The following FAM210A variants were observed in gnomAD, a reference collection of about 807,000 sequenced individuals.
The protein encoded by FAM210A is mitochondrial inner membrane scaffold 1.
A neutral mutation model predicts 25.3 loss-of-function variants in FAM210A; 13 were observed. The observed-to-expected ratio is 0.51, with a 90% CI of 0.33 to 0.82. The LOEUF (loss-of-function observed/expected upper bound fraction) is 0.82, where lower values mean the gene tolerates loss of function less well. Among genes scored for constraint, FAM210A ranks in the 40% least tolerant of loss-of-function variants. FAM210A has a pLI of 0.02. For missense variants in FAM210A, 319 were observed against 323.2 expected, an observed-to-expected ratio of 0.99 and a Z score of 0.10; for synonymous variants, 125 against 118.7, an observed-to-expected ratio of 1.05 and a Z score of -0.35.
chr18:13,726,554 C>G lies in FAM210A; in HGVS notation c.-254G>C, dbSNP rs1430144103. 1.3e-5 allele frequency: 2 copies of G among 152,284 alleles called. No individual in the cohort carries two copies. The highest frequency in any genetic ancestry group is 1.3e-4 in the Admixed American group (2 of 15,294). 9.4% of individuals were successfully genotyped at this position (152,284 alleles called of 1,614,324 possible). On this transcript the variant is annotated 5_prime_UTR_variant, in exon 1 of 4. Transcript: ENST00000651643. Reference sequence around the variant, plus strand: ...GACCTCCAGTGCCCGCTCAGTGAAGCTTCTGCATGCCGCGCGCGGCACGTC... The same window carrying G: ...GACCTCCAGTGCCCGCTCAGTGAAGGTTCTGCATGCCGCGCGCGGCACGTC...
intron 2 of FAM210A, among the ~76,000 whole-genome samples, chr18:13,672,658 G>A (rs762401596): frequency 1.3e-5 from 2 of 152,108 alleles, no homozygotes; most frequent in Non-Finnish European, 1.5e-5. Flanking sequence ...TCTGCCCGCC[G>A]CAGCCTTCCA....
chr18:13,696,966 A>T (rs1473723274), intron 1 of FAM210A, among the ~76,000 whole-genome samples: 1 of 152,164 alleles, frequency 6.6e-6, no homozygotes, highest in Non-Finnish European at 1.5e-5. Context: ...TAGGTGTATC[A>T]TTTTTTATAC....
intron 1 of FAM210A, among the ~76,000 whole-genome samples, chr18:13,715,637 T>G (rs1382398557): frequency 6.6e-6 from 1 of 152,222 alleles, no homozygotes; most frequent in African/African-American, 2.4e-5. Context: ...TTTTCCATAT[T>G]CTGAACTTCA....
chr18:13,666,965 T>C (rs569583109), intron 3 of FAM210A, among the ~76,000 whole-genome samples: 1 of 152,328 alleles, frequency 6.6e-6, no homozygotes, highest in South Asian at 2.1e-4. Flanking sequence ...AGCACTGATG[T>C]CCCTAATCGC....
At chr18:13,703,742 C>T (rs1455362510) in intron 1 of FAM210A, among the ~76,000 whole-genome samples, 1 of 152,078 alleles carries the variant, frequency 6.6e-6, no homozygotes, top group African/African-American at 2.4e-5. Flanking sequence ...AATTAATTGG[C>T]TTAAAGAAAA....
At chr18:13,724,328 G>A (rs1047949865) in intron 1 of FAM210A, among the ~76,000 whole-genome samples, 1 of 152,184 alleles carries the variant, frequency 6.6e-6, no homozygotes, top group Non-Finnish European at 1.5e-5. Context: ...CAGCCAGACT[G>A]CCTGGGTCCA....
At chr18:13,684,844 T>C (rs1028412811) in intron 1 of FAM210A, among the ~76,000 whole-genome samples, 5 of 151,848 alleles carry the variant, frequency 3.3e-5, no homozygotes, top group African/African-American at 9.7e-5. Flanking sequence ...AAAATGAAAA[T>C]CATGCAAAGT....
At chr18:13,692,094 G>C (rs954657795) in intron 1 of FAM210A, among the ~76,000 whole-genome samples, 3 of 150,900 alleles carry the variant, frequency 2.0e-5, no homozygotes, top group African/African-American at 7.3e-5. Context: ...AAAAAGGCAG[G>C]GGTTGCAATC....
intron 1 of FAM210A, among the ~76,000 whole-genome samples, chr18:13,717,833 G>C (rs144275307): frequency 7.9e-5 from 12 of 152,262 alleles, no homozygotes; most frequent in African/African-American, 2.9e-4. Flanking sequence ...AGAAAAGATG[G>C]AAAGGACTTC....
At chr18:13,688,713 G>A (rs550733225) in intron 1 of FAM210A, among the ~76,000 whole-genome samples, 26 of 152,336 alleles carry the variant, frequency 1.7e-4, no homozygotes, top group South Asian at 1.7e-3. Context: ...TCCACTGAGC[G>A]GATAACGCTG....
intron 3 of FAM210A, among the ~76,000 whole-genome samples, chr18:13,669,628 C>A (rs2043426828): frequency 6.6e-6 from 1 of 152,180 alleles, no homozygotes; most frequent in Admixed American, 6.5e-5. Context: ...TACGTACACA[C>A]ACTTTGTGTG....
chr18:13,720,366 G>C (rs2043889272), intron 1 of FAM210A, among the ~76,000 whole-genome samples: 1 of 152,112 alleles, frequency 6.6e-6, no homozygotes, highest in Non-Finnish European at 1.5e-5. Flanking sequence ...CTCAAAACTA[G>C]CAGTATTTTA....
At chr18:13,689,503 C>G (rs2043624732) in intron 1 of FAM210A, among the ~76,000 whole-genome samples, 1 of 152,110 alleles carries the variant, frequency 6.6e-6, no homozygotes. Context: ...CTTCTTCAAC[C>G]TGATAAAGAA....
intron 1 of FAM210A, among the ~76,000 whole-genome samples, chr18:13,718,230 C>T (rs1257395821): frequency 6.6e-6 from 1 of 152,156 alleles, no homozygotes. Flanking sequence ...ACAGAAAATA[C>T]AAGCCTACTC....
At chr18:13,668,863 G>T (rs888187972) in intron 3 of FAM210A, among the ~76,000 whole-genome samples, 1 of 152,164 alleles carries the variant, frequency 6.6e-6, no homozygotes, top group Admixed American at 6.5e-5. Context: ...GGACCTATGG[G>T]ACCATCACTG....
At chr18:13,720,055 C>T (rs1400678427) in intron 1 of FAM210A, among the ~76,000 whole-genome samples, 1 of 152,168 alleles carries the variant, frequency 6.6e-6, no homozygotes, top group Non-Finnish European at 1.5e-5. Flanking sequence ...TTTTTCTAGT[C>T]AGGTTGCATA....
At chr18:13,685,998 C>CA (rs1411580792) in intron 1 of FAM210A, among the ~76,000 whole-genome samples, 2 of 151,844 alleles carry the variant, frequency 1.3e-5, no homozygotes, top group African/African-American at 2.4e-5. Flanking sequence ...GAAAAGAAAA[C>CA]AAAAAATATC....
At chr18:13,692,990 T>TA (rs1334665864) in intron 1 of FAM210A, among the ~76,000 whole-genome samples, 3 of 152,208 alleles carry the variant, frequency 2.0e-5, no homozygotes, top group African/African-American at 7.2e-5. Flanking sequence ...GCAAAATTGA[T>TA]AGACTGCTAG....
At chr18:13,704,990 C>G (rs1159677535) in intron 1 of FAM210A, among the ~76,000 whole-genome samples, 1 of 152,068 alleles carries the variant, frequency 6.6e-6, no homozygotes, top group Non-Finnish European at 1.5e-5. Flanking sequence ...GGAAAGGACC[C>G]TAAAAAGCAC....
Sources: allele counts gnomAD v4.1 joint callset (sites outside exome capture counted in the v4.1 genomes callset), GRCh38; gene constraint gnomAD v4.1.1; transcripts MANE v1.5; gene names NCBI Gene and HGNC (gene_info 2026-07-23, HGNC 2026-07-21).